Variants in FOXJ3 observed in about 807,000 individuals in gnomAD.
FOXJ3 encodes the protein forkhead box J3, also known as forkhead box protein J3.
FOXJ3 carries 22 observed loss-of-function variants against 76.1 expected under a neutral mutation model. The observed-to-expected ratio is 0.29, with a 90% CI of 0.21 to 0.41. FOXJ3 has a LOEUF of 0.41. Ranked by LOEUF, FOXJ3 falls within the 10% of genes least tolerant of loss-of-function variation. FOXJ3 has a pLI of 1.00. For synonymous variants in FOXJ3, 269 were observed against 261.2 expected (o/e 1.03, Z -0.29); for missense variants, 613 against 762.1 (o/e 0.80, Z 2.30).
intron 11 of FOXJ3, 133 bp from the exon 12 acceptor site, chr1:42,182,157 A>T (rs1392684856): frequency 1.7e-6 from 1 of 582,320 alleles, no homozygotes. Context: ...GGGGAAGAAA[A>T]TATTACTCCT....
intron 9 of FOXJ3, 28 bp from the exon 10 acceptor site, chr1:42,189,432 C>T (rs755208185): frequency 1.3e-5 from 20 of 1,494,826 alleles, no homozygotes; most frequent in Middle Eastern, 1.7e-4. Context: ...CAGTGTAATT[C>T]CTGGATGGTG....
chr1:42,219,151 A>T (rs1278284050), intron 5 of FOXJ3, among the ~76,000 whole-genome samples: 1 of 152,212 alleles, frequency 6.6e-6, no homozygotes, highest in Non-Finnish European at 1.5e-5. Flanking sequence ...AAAGAAAAAA[A>T]TTCCCAAAAT....
At chr1:42,258,268 T>C (rs974309973) in intron 4 of FOXJ3, among the ~76,000 whole-genome samples, 1 of 152,214 alleles carries the variant, frequency 6.6e-6, no homozygotes, top group African/African-American at 2.4e-5. Flanking sequence ...AAAAGATTTG[T>C]TTGCCTTGTT....
chr1:42,183,845 G>A (rs1385036484), intron 11 of FOXJ3, among the ~76,000 whole-genome samples: 1 of 151,964 alleles, frequency 6.6e-6, no homozygotes, highest in African/African-American at 2.4e-5. Context: ...CCTTACCTCT[G>A]TCCATGCAGA....
chr1:42,275,386 AGAAT>A (rs1392209914), intron 3 of FOXJ3, among the ~76,000 whole-genome samples: 1 of 152,222 alleles, frequency 6.6e-6, no homozygotes, highest in Non-Finnish European at 1.5e-5. Context: ...TTCCTATGTA[AGAAT>A]ATGAATATAA....
chr1:42,263,930 C>CTT lies in FOXJ3; in HGVS notation c.444+1183_444+1184dup, dbSNP rs61375062. Among the ~76,000 whole-genome samples, 244 of 71,452 alleles carry CTT rather than the reference C, an allele frequency of 3.4e-3. 19 individuals carry two copies. Among genetic ancestry groups the CTT allele is most frequent in the African/African-American group, 0.01 (203 of 20,080 alleles). 46.9% of individuals were successfully genotyped at this position (71,452 alleles called of 152,430 possible). A position where few individuals can be genotyped will look rare whatever the true frequency, so the allele number is the denominator to read the frequency against. ...AAAAGAGACCATATGAGTAGGTTAACTTTTTTTTTTTTTTTTTTTTTTTTT... is the reference window on the plus strand; with the variant it reads ...AAAAGAGACCATATGAGTAGGTTAACTTTTTTTTTTTTTTTTTTTTTTTTTTT... On this transcript the variant is annotated intron_variant, in intron 4 of 12. Transcript: ENST00000361346.
chr1:42,219,511 A>G (rs1341295022), intron 5 of FOXJ3, among the ~76,000 whole-genome samples: 1 of 152,196 alleles, frequency 6.6e-6, no homozygotes, highest in Non-Finnish European at 1.5e-5. Flanking sequence ...ATTTCCCATA[A>G]ATCTTGTACC....
At chr1:42,330,823 T>C (rs1317613107) in intron 1 of FOXJ3, among the ~76,000 whole-genome samples, 1 of 152,208 alleles carries the variant, frequency 6.6e-6, no homozygotes, top group Non-Finnish European at 1.5e-5. Context: ...TGTACAACCC[T>C]AAGCAGGTCA....
At chr1:42,254,498 A>C (rs1439674609) in intron 4 of FOXJ3, among the ~76,000 whole-genome samples, 1 of 145,200 alleles carries the variant, frequency 6.9e-6, no homozygotes, top group Admixed American at 7.0e-5. Context: ...TCATGCTGCT[A>C]TAAAGACACA....
At chr1:42,256,202 C>G (rs952908491) in intron 4 of FOXJ3, among the ~76,000 whole-genome samples, 1 of 152,116 alleles carries the variant, frequency 6.6e-6, no homozygotes, top group African/African-American at 2.4e-5. Context: ...ACACAAGTCA[C>G]TTACCATTAA....
At chr1:42,334,966 G>A (rs1019630905) in intron 1 of FOXJ3, 93 bp downstream of exon 1, 2 of 152,172 alleles carry the variant, frequency 1.3e-5, no homozygotes, top group African/African-American at 4.8e-5. Flanking sequence ...GGCGTCTCGC[G>A]GAGGACAGCC....
chr1:42,185,446 G>A (rs1381846035), intron 11 of FOXJ3, among the ~76,000 whole-genome samples: 1 of 151,530 alleles, frequency 6.6e-6, no homozygotes, highest in Non-Finnish European at 1.5e-5. Flanking sequence ...TTTTTTAGTA[G>A]AGACGGGGTT....
At chr1:42,334,578 AAAGGGCCACTCCAAGGCGTGAGG>A (rs1656355324) in intron 1 of FOXJ3, among the ~76,000 whole-genome samples, 1 of 152,210 alleles carries the variant, frequency 6.6e-6, no homozygotes, top group Non-Finnish European at 1.5e-5. Flanking sequence ...TCCTCTCCCC[AAAGGGCCACTCCAAGGCGTGAGG>A]TACAGCCCGC....
At chr1:42,324,388 A>G (rs1263234194) in intron 1 of FOXJ3, among the ~76,000 whole-genome samples, 1 of 147,724 alleles carries the variant, frequency 6.8e-6, no homozygotes, top group Non-Finnish European at 1.5e-5. Flanking sequence ...TATAACATAT[A>G]AATACTATAT....
At chr1:42,312,245 A>C (rs1654857837) in intron 1 of FOXJ3, among the ~76,000 whole-genome samples, 1 of 151,906 alleles carries the variant, frequency 6.6e-6, no homozygotes, top group African/African-American at 2.4e-5. Context: ...AAAAATACAG[A>C]TGGGGTTTTG....
At chr1:42,252,598 AG>A (rs1264688748) in intron 4 of FOXJ3, among the ~76,000 whole-genome samples, 71 of 149,172 alleles carry the variant, frequency 4.8e-4, no homozygotes, top group African/African-American at 1.5e-3. Context: ...AATTTTTTGA[AG>A]GGTTTTTTTT....
At position 42,316,098 on chromosome 1, in the gene FOXJ3, G is replaced by T. The variant is rs968926608; in HGVS notation, c.-17-4988C>A. Reference sequence around the variant, plus strand: ...AAGCAGCCATCGCAACACACTAACAGTTGTATAATAACATATTATCTGGGG... The same window carrying T: ...AAGCAGCCATCGCAACACACTAACATTTGTATAATAACATATTATCTGGGG... On this transcript the variant is annotated intron_variant, in intron 1 of 12. Coordinates refer to ENST00000361346, the MANE Select transcript of FOXJ3 (RefSeq NM_014947.5). Among the ~76,000 whole-genome samples the T allele has an allele frequency of 2.6e-5, 4 of 152,158 alleles. No individual in the cohort carries two copies. In the East Asian group the frequency reaches 7.7e-4, roughly 29 times the overall value.
chr1:42,211,234 T>G (rs996255286), intron 5 of FOXJ3, among the ~76,000 whole-genome samples: 1 of 152,144 alleles, frequency 6.6e-6, no homozygotes, highest in Non-Finnish European at 1.5e-5. Flanking sequence ...ATACTCTTCG[T>G]GGAACACTTT....
chr1:42,194,534 T>C (rs561341520), intron 8 of FOXJ3, among the ~76,000 whole-genome samples: 188 of 152,310 alleles, frequency 1.2e-3, no homozygotes, highest in African/African-American at 3.9e-3. Context: ...GCAAGGCACA[T>C]CTATTCTTGT....
Sources: gnomAD v4.1 joint callset for allele counts (sites outside exome capture counted in the v4.1 genomes callset) on GRCh38, gnomAD v4.1.1 for gene constraint, MANE v1.5 for transcripts, NCBI Gene and HGNC (gene_info 2026-07-23, HGNC 2026-07-21) for gene names.